PPARA: variants seen among roughly 807,000 people sequenced by gnomAD.
The protein encoded by PPARA is peroxisome proliferator-activated receptor alpha.
PPARA carries 22 observed loss-of-function variants against 42.2 expected under a neutral mutation model. The observed-to-expected ratio is 0.52, with a 90% CI of 0.37 to 0.74. The LOEUF (loss-of-function observed/expected upper bound fraction) is 0.74. Ranked by LOEUF, PPARA falls within the 30% of genes least tolerant of loss-of-function variation. The probability of loss-of-function intolerance (pLI) is 0.00; values close to 1 mark genes in which losing one functional copy is unlikely to be tolerated. For missense variants in PPARA, 465 were observed against 608.2 expected (o/e 0.76, Z 2.48); for synonymous variants, 242 against 239.3 (o/e 1.01, Z -0.10).
intron 6 of PPARA, 149 bp downstream of exon 6, chr22:46,218,550 T>G: frequency 7.3e-7 from 1 of 1,376,078 alleles, no homozygotes. Flanking sequence ...AAAATAAAAG[T>G]CGCCCAGGCG....
At chr22:46,229,382 G>A (rs1039750220) in intron 7 of PPARA, among the ~76,000 whole-genome samples, 2 of 151,652 alleles carry the variant, frequency 1.3e-5, no homozygotes. Flanking sequence ...GGTGAAACCC[G>A]TCTCTACTAA....
Position 46,183,215 on chromosome 22 carries a change from C to A in PPARA, c.-43+6379C>A, listed in dbSNP as rs1172499576. On this transcript the variant is annotated intron_variant, in intron 3 of 8. Transcript: ENST00000407236. This position sits in a 1 kb window ranked among gnomAD's most constrained non-coding sequence, Gnocchi z 5.5. ...AGTAAATGGGTAATTCTCCACTGAA[C>A]ACACACTCGTTTAGCAGCATAAGCA... is the stretch of plus-strand genomic sequence containing the variant. Among the ~76,000 whole-genome samples the A allele has an allele frequency of 6.6e-6, 1 of 152,212 alleles. No homozygotes were observed. The highest frequency in any genetic ancestry group is 1.5e-5 in the Non-Finnish European group (1 of 68,050).
chr22:46,220,330 A>G (rs1934899546), intron 7 of PPARA: 3 of 380,392 alleles, frequency 7.9e-6, no homozygotes, highest in Admixed American at 3.8e-5. Flanking sequence ...TTTTTCTTAA[A>G]TAGAGATAGG....
chr22:46,206,270 TTGTG>T (rs58068079), intron 4 of PPARA, among the ~76,000 whole-genome samples: 18,629 of 150,378 alleles, frequency 0.12, 3,653 homozygotes, highest in African/African-American at 0.42. Context: ...CCCGGCTAAT[TTGTG>T]TGTGTGTGTG....
chr22:46,192,794 C>T lies in PPARA; in HGVS notation c.-42-5548C>T, dbSNP rs1931737081. ...TATACACAATGGAGTACTATTCAGC[C>T]ATAAAAAAGAATGAGATCCTGTCAT... is the stretch of plus-strand genomic sequence containing the variant. On this transcript the variant is annotated intron_variant, in intron 3 of 8. Transcript: ENST00000407236. The surrounding 1 kb of genome is among the most constrained non-coding windows in gnomAD (Gnocchi z 4.3). Among the ~76,000 whole-genome samples the T allele has an allele frequency of 6.6e-6, 1 of 152,088 alleles. No individual in the cohort carries two copies. The highest frequency in any genetic ancestry group is 6.6e-5 in the Admixed American group (1 of 15,264).
intron 5 of PPARA, 24 bp downstream of exon 5, chr22:46,215,357 C>A (rs747801963): frequency 2.5e-5 from 41 of 1,613,868 alleles, no homozygotes; most frequent in Non-Finnish European, 2.0e-5. Context: ...GGAACAGGGC[C>A]TGGTGGCCGC....
rs1205309412 is a variant in PPARA, at chr22:46,198,507, G to A, written c.124G>A (p.Gly42Ser). 5.0e-6 allele frequency: 8 copies of A among 1,613,860 alleles called. No homozygotes were observed. Among genetic ancestry groups the A allele is most frequent in the Admixed American group, 3.3e-5 (2 of 59,974 alleles). Residue 42 changes from glycine (G) to serine (S), a missense_variant, in exon 4 of 9, where the codon GGC becomes AGC. Physicochemically the swap from Gly to Ser is moderately conservative, Grantham distance 56 (BLOSUM62 0). Around this residue, in one of 2 missense-constraint regions of PPARA, gnomAD observed 152 missense variants for 139.1 expected, o/e 1.09. Coordinates refer to ENST00000407236, the MANE Select transcript of PPARA (RefSeq NM_005036.6). ...CATCCAAGAGATTTCGCAATCCATCGGCGAGGATAGTTCTGGAAGCTTTGG... is the reference window on the plus strand; with the variant it reads ...CATCCAAGAGATTTCGCAATCCATCAGCGAGGATAGTTCTGGAAGCTTTGG... ...GNIQEISQSIGEDSSGSFGFT... is the reference protein window; with the variant it reads ...GNIQEISQSISEDSSGSFGFT...
chr22:46,166,785 G>A (rs770133813), intron 2 of PPARA, among the ~76,000 whole-genome samples: 19 of 152,206 alleles, frequency 1.2e-4, no homozygotes, highest in Non-Finnish European at 2.5e-4. Flanking sequence ...AGAAGACTCA[G>A]TATCTTAGGA....
intron 4 of PPARA, among the ~76,000 whole-genome samples, chr22:46,207,944 C>T (rs1359717394): frequency 1.3e-5 from 2 of 151,722 alleles, no homozygotes; most frequent in African/African-American, 4.8e-5. Context: ...CTCTGCCTCC[C>T]GAAGTGTTGG....
At chr22:46,209,859 C>T (rs756437830) in intron 4 of PPARA, among the ~76,000 whole-genome samples, 14 of 152,152 alleles carry the variant, frequency 9.2e-5, no homozygotes, top group Non-Finnish European at 1.3e-4. Flanking sequence ...AATCCTCCCA[C>T]CTCAGCCTCC....
At chr22:46,177,175 C>T (rs1929255829) in intron 3 of PPARA, among the ~76,000 whole-genome samples, 1 of 152,080 alleles carries the variant, frequency 6.6e-6, no homozygotes, top group Non-Finnish European at 1.5e-5. Flanking sequence ...CACGCCACTG[C>T]ACTCCAGCCT....
At position 46,211,376 on chromosome 22, in the gene PPARA, A is replaced by T. The variant is rs1255692070; in HGVS notation, c.209-3797A>T. Among the ~76,000 whole-genome samples, 1 of 152,018 alleles carries T rather than the reference A, an allele frequency of 6.6e-6. No individual in the cohort carries two copies. Among genetic ancestry groups the T allele is most frequent in the African/African-American group, 2.4e-5 (1 of 41,394 alleles). On this transcript the variant is annotated intron_variant, in intron 4 of 8. Coordinates refer to ENST00000407236, the MANE Select transcript of PPARA (RefSeq NM_005036.6). This position sits in a 1 kb window ranked among gnomAD's most constrained non-coding sequence, Gnocchi z 4.1. Reference sequence around the variant, plus strand: ...TTAACCCACACCCTGTGGGAAAAAAACTCCATCAGCTAGAGCACAGTGTTT... The same window carrying T: ...TTAACCCACACCCTGTGGGAAAAAATCTCCATCAGCTAGAGCACAGTGTTT...
At position 46,212,743 on chromosome 22, in the gene PPARA, C is replaced by T. The variant is rs1934061387; in HGVS notation, c.209-2430C>T. 6.6e-6 allele frequency among the ~76,000 whole-genome samples: 1 copy of T among 152,200 alleles called. No homozygotes were observed. The highest frequency in any genetic ancestry group is 1.5e-5 in the Non-Finnish European group (1 of 68,042). On this transcript the variant is annotated intron_variant, in intron 4 of 8. Transcript: ENST00000407236. This position sits in a 1 kb window ranked among gnomAD's most constrained non-coding sequence, Gnocchi z 4.2. ...ATGCACAGTGGCTCACACCTGTAAT[C>T]CCAGCATTTTGGGAGGCCAAGGCGG...
Position 46,203,035 on chromosome 22 carries a change from C to A in PPARA, c.208+4444C>A, listed in dbSNP as rs929574015. On this transcript the variant is annotated intron_variant, in intron 4 of 8. Transcript: ENST00000407236. The surrounding 1 kb of genome is among the most constrained non-coding windows in gnomAD (Gnocchi z 5.8). ...CCCATCCCTGGTTTTGACCACCAGC[C>A]TTTAAAGTGGCAAGCGGGTGATAAC... is the stretch of plus-strand genomic sequence containing the variant. 2.2e-4 allele frequency among the ~76,000 whole-genome samples: 33 copies of A among 152,096 alleles called. No homozygotes were observed. Among genetic ancestry groups the A allele is most frequent in the African/African-American group, 8.0e-4 (33 of 41,422 alleles).
At chr22:46,198,318 C>T in intron 3 of PPARA, 24 bp from the exon 4 acceptor site, 2 of 1,338,224 alleles carry the variant, frequency 1.5e-6, no homozygotes, top group Admixed American at 1.7e-5. Context: ...GTCAGTCTTA[C>T]CAATTGTTCC....
At position 46,173,573 on chromosome 22, in the gene PPARA, T is replaced by A. The variant is rs1357953030; in HGVS notation, c.-126-3180T>A. Among the ~76,000 whole-genome samples the A allele has an allele frequency of 6.6e-6, 1 of 152,120 alleles. No homozygotes were observed. Among genetic ancestry groups the A allele is most frequent in the Non-Finnish European group, 1.5e-5 (1 of 68,044 alleles). Reference sequence around the variant, plus strand: ...TTGGAAATGGTATTCCTTAAAAATGTCAGTATCATAAAAGACAAAGAAAAG... The same window carrying A: ...TTGGAAATGGTATTCCTTAAAAATGACAGTATCATAAAAGACAAAGAAAAG... On this transcript the variant is annotated intron_variant, in intron 2 of 8. Coordinates refer to ENST00000407236, the MANE Select transcript of PPARA (RefSeq NM_005036.6). This position sits in a 1 kb window ranked among gnomAD's most constrained non-coding sequence, Gnocchi z 4.3.
In PPARA at chr22:46,203,876, T is replaced by C. The variant is rs1932989695; in HGVS notation, c.208+5285T>C. Among the ~76,000 whole-genome samples, 1 of 152,186 alleles carries C rather than the reference T, an allele frequency of 6.6e-6. No individual in the cohort carries two copies. Among genetic ancestry groups the C allele is most frequent in the Non-Finnish European group, 1.5e-5 (1 of 68,030 alleles). On this transcript the variant is annotated intron_variant, in intron 4 of 8. Coordinates refer to ENST00000407236, the MANE Select transcript of PPARA (RefSeq NM_005036.6). This position sits in a 1 kb window ranked among gnomAD's most constrained non-coding sequence, Gnocchi z 5.8. ...CTCATCTACACAAAAGCACCTGAGGTAAACACTTGTGGGGCAGGTTGCAGA... is the reference window on the plus strand; with the variant it reads ...CTCATCTACACAAAAGCACCTGAGGCAAACACTTGTGGGGCAGGTTGCAGA...
chr22:46,153,419 T>C (rs2069890107), intron 2 of PPARA, among the ~76,000 whole-genome samples: 1 of 152,062 alleles, frequency 6.6e-6, no homozygotes, highest in African/African-American at 2.4e-5. Context: ...ACCGCCTGCC[T>C]TGGCCTCCCA....
chr22:46,210,755 T>C (rs959450049), intron 4 of PPARA, among the ~76,000 whole-genome samples: 3 of 152,194 alleles, frequency 2.0e-5, no homozygotes, highest in Non-Finnish European at 2.9e-5. Flanking sequence ...GTTGTTCTCA[T>C]TGGATGTCAT....
Sources: gnomAD v4.1 joint callset for allele counts (sites outside exome capture counted in the v4.1 genomes callset) on GRCh38, gnomAD v4.1.1 for gene constraint, gnomAD v4.1.1 regional missense constraint, Gnocchi (gnomAD v3.1) non-coding constraint, MANE v1.5 for transcripts, NCBI Gene and HGNC (gene_info 2026-07-23, HGNC 2026-07-21) for gene names.